Variants in DHRSX observed in about 807,000 individuals in gnomAD.
DHRSX encodes the protein polyprenol dehydrogenase.
Under a neutral mutation model 34.0 loss-of-function variants are expected in DHRSX, and 31 were observed. The observed-to-expected ratio is 0.91, with a 90% CI of 0.69 to 1.23. The LOEUF (loss-of-function observed/expected upper bound fraction) is 1.23. Ranked by LOEUF, DHRSX falls within the 50% of genes most tolerant of loss-of-function variation. The pLI, the probability that DHRSX is intolerant of heterozygous loss-of-function variation, is 0.00. For missense variants in DHRSX, 414 were observed against 428.1 expected (o/e 0.97, Z 0.29); for synonymous variants, 201 against 183.8 (o/e 1.09, Z -0.76).
chrX:2,414,279 C>T (rs1364363874), intron 2 of DHRSX, among the ~76,000 whole-genome samples: 2 of 152,020 alleles, frequency 1.3e-5, no homozygotes, highest in African/African-American at 2.4e-5. Context: ...CCTAACTCAA[C>T]AAGACTTCAT....
chrX:2,286,755 G>A (rs1170635813), intron 4 of DHRSX, among the ~76,000 whole-genome samples: 5 of 151,324 alleles, frequency 3.3e-5, no homozygotes, highest in Non-Finnish European at 7.4e-5. Context: ...CCAGGGACAA[G>A]ATGAACCTTA....
At chrX:2,433,979 T>C (rs1261507749) in intron 1 of DHRSX, among the ~76,000 whole-genome samples, 12 of 151,992 alleles carry the variant, frequency 7.9e-5, no homozygotes, top group South Asian at 2.1e-4. Context: ...AGGGTTTCAC[T>C]GTGTTAGCCA....
chrX:2,270,567 G>A (rs1214380818), intron 4 of DHRSX, among the ~76,000 whole-genome samples: 13 of 151,616 alleles, frequency 8.6e-5, no homozygotes, highest in South Asian at 4.2e-4. Flanking sequence ...TGGGTCCCGC[G>A]GCTCTACACG....
chrX:2,450,673 C>T (rs1470797353), intron 1 of DHRSX, among the ~76,000 whole-genome samples: 1 of 151,662 alleles, frequency 6.6e-6, no homozygotes, highest in Non-Finnish European at 1.5e-5. Flanking sequence ...CACTAACATT[C>T]ACCTTCAAAG....
At chrX:2,294,803 G>C (rs747697935) in intron 3 of DHRSX, among the ~76,000 whole-genome samples, 3 of 124,138 alleles carry the variant, frequency 2.4e-5, no homozygotes, top group African/African-American at 8.2e-5. Flanking sequence ...GGGAGAGAGA[G>C]AGAGGAAAAA....
chrX:2,415,800 C>T (rs1394944009), intron 2 of DHRSX, among the ~76,000 whole-genome samples: 1 of 151,288 alleles, frequency 6.6e-6, no homozygotes, highest in Non-Finnish European at 1.5e-5. Context: ...CATAACCTAA[C>T]CCAACCAGAT....
intron 3 of DHRSX, among the ~76,000 whole-genome samples, chrX:2,397,984 CACACAT>C (rs2043435725): frequency 1.3e-5 from 2 of 151,828 alleles, no homozygotes; most frequent in African/African-American, 4.8e-5. Flanking sequence ...GCTGATCTCA[CACACAT>C]AGATACATAT....
chrX:2,327,155 T>C (rs1307162016), intron 3 of DHRSX, among the ~76,000 whole-genome samples: 5 of 152,206 alleles, frequency 3.3e-5, no homozygotes, highest in African/African-American at 7.2e-5. Flanking sequence ...TTTTCGTGCA[T>C]GAGTGACGCT....
intron 3 of DHRSX, among the ~76,000 whole-genome samples, chrX:2,349,544 G>A (rs1279342863): frequency 3.3e-5 from 5 of 151,332 alleles, no homozygotes; most frequent in African/African-American, 7.3e-5. Flanking sequence ...AAAATTAGCC[G>A]GGCATGGTGG....
At chrX:2,330,615 A>C (rs1048772305) in intron 3 of DHRSX, among the ~76,000 whole-genome samples, 6 of 147,984 alleles carry the variant, frequency 4.1e-5, no homozygotes, top group African/African-American at 1.5e-4. Flanking sequence ...GAGAAGGAGA[A>C]GGAGGAGGAG....
chrX:2,324,233 G>T (rs2042348759), intron 3 of DHRSX, among the ~76,000 whole-genome samples: 1 of 152,058 alleles, frequency 6.6e-6, no homozygotes, highest in Admixed American at 6.6e-5. Context: ...TTGCAAGGGG[G>T]TTGAGGACGC....
At chrX:2,344,069 T>C (rs2042672300) in intron 3 of DHRSX, among the ~76,000 whole-genome samples, 1 of 152,138 alleles carries the variant, frequency 6.6e-6, no homozygotes, top group Non-Finnish European at 1.5e-5. Flanking sequence ...AGGCTGAACT[T>C]GTGAAAAGAC....
At chrX:2,471,147 C>G (rs1366089126) in intron 1 of DHRSX, among the ~76,000 whole-genome samples, 2 of 152,066 alleles carry the variant, frequency 1.3e-5, no homozygotes, top group East Asian at 3.9e-4. Context: ...GAAAACAAAA[C>G]AAGTCCCAGT....
intron 3 of DHRSX, among the ~76,000 whole-genome samples, chrX:2,385,110 A>ATGTGTGTGTGTGTGTGTGTG (rs934167358): frequency 8.9e-4 from 130 of 146,608 alleles, no homozygotes; most frequent in Middle Eastern, 3.5e-3. Context: ...TCAAATATAT[A>ATGTGTGTGTGTGTGTGTGTG]TGTGTGTGTG....
chrX:2,477,563 C>T (rs185960186), intron 1 of DHRSX, among the ~76,000 whole-genome samples: 8 of 152,246 alleles, frequency 5.3e-5, no homozygotes, highest in African/African-American at 1.9e-4. Flanking sequence ...AAGAAAGGTG[C>T]GGCCAGGCGC....
chrX:2,456,295 C>A lies in DHRSX; in HGVS notation c.110-30991G>T, dbSNP rs143396292. On this transcript the variant is annotated intron_variant, in intron 1 of 6. Coordinates refer to ENST00000334651, the MANE Select transcript of DHRSX (RefSeq NM_145177.3). Reference sequence around the variant, plus strand: ...GTCACAGGTAGAAACAGTTTATCTGCGAGTTTGTAACCAGGTGAATCAAGA... The same window carrying A: ...GTCACAGGTAGAAACAGTTTATCTGAGAGTTTGTAACCAGGTGAATCAAGA... Among the ~76,000 whole-genome samples, 713 of 152,172 alleles carry A rather than the reference C, an allele frequency of 4.7e-3. 7 individuals carry two copies. The highest frequency in any genetic ancestry group is 0.016 in the African/African-American group (672 of 41,520).
At chrX:2,441,175 G>A (rs940816696) in intron 1 of DHRSX, among the ~76,000 whole-genome samples, 15 of 152,116 alleles carry the variant, frequency 9.9e-5, no homozygotes, top group African/African-American at 2.9e-4. Flanking sequence ...ATCTCATCAC[G>A]TTCACCAACA....
At chrX:2,429,835 A>G (rs985059983) in intron 1 of DHRSX, among the ~76,000 whole-genome samples, 1 of 151,706 alleles carries the variant, frequency 6.6e-6, no homozygotes, top group Admixed American at 6.6e-5. Flanking sequence ...GTCAAAATAT[A>G]CTTTGCAGAT....
chrX:2,340,816 A>C lies in DHRSX; in HGVS notation c.287-49213T>G, dbSNP rs779137517. Among the ~76,000 whole-genome samples, 5 of 152,284 alleles carry C rather than the reference A, an allele frequency of 3.3e-5. No individual in the cohort carries two copies. In the South Asian group the frequency reaches 1.0e-3, roughly 32 times the overall value. Reference sequence around the variant, plus strand: ...TGGCAAATCAGAGGTAGATGAAGCAACAAAAGGAAGGAAAAAGAGTGTGGA... The same window carrying C: ...TGGCAAATCAGAGGTAGATGAAGCACCAAAAGGAAGGAAAAAGAGTGTGGA... On this transcript the variant is annotated intron_variant, in intron 3 of 6. Transcript: ENST00000334651.
Sources: allele counts gnomAD v4.1 joint callset (sites outside exome capture counted in the v4.1 genomes callset), GRCh38; gene constraint gnomAD v4.1.1; transcripts MANE v1.5; gene names NCBI Gene and HGNC (gene_info 2026-07-23, HGNC 2026-07-21).